Variants in MAD1L1 observed in about 807,000 individuals in gnomAD.
The protein encoded by MAD1L1 is mitotic arrest deficient 1 like 1, also known as mitotic spindle assembly checkpoint protein MAD1.
In MAD1L1, 95 loss-of-function variants were observed where a neutral mutation model predicts 96.9. That is an observed-to-expected ratio of 0.98 (90% confidence interval 0.83 to 1.16). The LOEUF is 1.16. Ranked by LOEUF, MAD1L1 falls within the 50% of genes most tolerant of loss-of-function variation. The pLI is 0.00. For synonymous variants in MAD1L1, 473 were observed against 396.6 expected (o/e 1.19, Z -2.29); for missense variants, 1,007 against 954.4 (o/e 1.06, Z -0.73).
intron 15 of MAD1L1, among the ~76,000 whole-genome samples, chr7:1,975,550 G>C (rs190799025): frequency 6.6e-6 from 1 of 152,212 alleles, no homozygotes; most frequent in African/African-American, 2.4e-5. Context: ...TGTCTTTCCA[G>C]TTACCTCTAT....
chr7:2,015,531 C>A (rs1782497557), intron 12 of MAD1L1, among the ~76,000 whole-genome samples: 1 of 152,234 alleles, frequency 6.6e-6, no homozygotes, highest in South Asian at 2.1e-4. Context: ...GCCAAGATGG[C>A]CCCCAAAAAG....
At chr7:2,165,075 A>AC (rs1344950749) in intron 10 of MAD1L1, among the ~76,000 whole-genome samples, 1 of 152,092 alleles carries the variant, frequency 6.6e-6, no homozygotes, top group Non-Finnish European at 1.5e-5. Context: ...GCAGTGGCTC[A>AC]CGCCTGTCAT....
rs369748983 is a variant in MAD1L1, at chr7:2,002,094, G to A, written c.1387C>T (p.Leu463=). The A allele has an allele frequency of 2.2e-4, 357 of 1,613,110 alleles. No homozygotes were observed. The highest frequency in any genetic ancestry group is 4.9e-4 in the Middle Eastern group (3 of 6,082). The part of the protein sequence containing the change: ...EAQLSQALEE[L]GGQKQRADML... ...TCTGCTCTTTGTTTCTGGCCTCCCAGCTCCTCCAGGGCCTGCGACAGCTGA... is the reference window on the plus strand; with the variant it reads ...TCTGCTCTTTGTTTCTGGCCTCCCAACTCCTCCAGGGCCTGCGACAGCTGA... Residue 463 remains leucine, a synonymous_variant, in exon 14 of 19, where the codon CTG becomes TTG. Transcript: ENST00000265854.
intron 18 of MAD1L1, among the ~76,000 whole-genome samples, chr7:1,834,533 G>A (rs558417230): frequency 5.3e-4 from 80 of 152,160 alleles, no homozygotes; most frequent in African/African-American, 1.8e-3. Flanking sequence ...CAGATAAAAT[G>A]GACAAACTTC....
chr7:1,895,637 C>T (rs11761818), intron 18 of MAD1L1, among the ~76,000 whole-genome samples: 45,432 of 152,270 alleles, frequency 0.3, 8,069 homozygotes, highest in East Asian at 0.45. Context: ...CCCCGGAACA[C>T]GGCCCAGAGC....
chr7:1,845,501 G>A (rs1412127374), intron 18 of MAD1L1: 2 of 70,224 alleles, frequency 2.8e-5, no homozygotes, highest in African/African-American at 5.3e-5. Flanking sequence ...GATTCATGGG[G>A]AAGAGCTCTG....
chr7:1,883,944 C>T (rs909051892), intron 18 of MAD1L1, among the ~76,000 whole-genome samples: 9 of 152,218 alleles, frequency 5.9e-5, no homozygotes, highest in South Asian at 2.1e-4. Context: ...CCAGGGGAAT[C>T]GCGTGCAGCT....
At position 2,121,309 on chromosome 7, in the gene MAD1L1, C is replaced by T. The variant is rs145046110; in HGVS notation, c.1073+27843G>A. On this transcript the variant is annotated intron_variant, in intron 11 of 18. Transcript: ENST00000265854. ...TCCCAACCTCTGTTCAGCGTCAGAG[C>T]GAGGCTCTGCACCAGGCCCCCAGCA... Among the ~76,000 whole-genome samples the T allele has an allele frequency of 6.8e-4, 103 of 152,330 alleles. 1 individual carries two copies. The highest frequency in any genetic ancestry group is 1.9e-3 in the Admixed American group (29 of 15,310).
chr7:2,115,660 C>T (rs778998800), intron 11 of MAD1L1, among the ~76,000 whole-genome samples: 2 of 152,246 alleles, frequency 1.3e-5, no homozygotes, highest in Non-Finnish European at 2.9e-5. Context: ...CGTGTCAATG[C>T]CGGGCCTGTG....
intron 10 of MAD1L1, among the ~76,000 whole-genome samples, chr7:2,166,735 C>G (rs1790447376): frequency 6.6e-6 from 1 of 152,198 alleles, no homozygotes; most frequent in Non-Finnish European, 1.5e-5. Flanking sequence ...CGTGTGTCCA[C>G]TGTCCACAGC....
chr7:1,855,475 G>A (rs1784202163), intron 18 of MAD1L1, among the ~76,000 whole-genome samples: 2 of 151,996 alleles, frequency 1.3e-5, no homozygotes, highest in African/African-American at 4.8e-5. Flanking sequence ...CGCCTGGCCT[G>A]GAAAGAGCTG....
intron 18 of MAD1L1, among the ~76,000 whole-genome samples, chr7:1,821,093 AGGG>A (rs757288347): frequency 1.1e-4 from 3 of 27,866 alleles, no homozygotes; most frequent in South Asian, 3.1e-3. Context: ...AAAAAAAAAA[AGGG>A]GGGGGGGAGA....
intron 13 of MAD1L1, among the ~76,000 whole-genome samples, chr7:2,004,138 G>A (rs1041343807): frequency 1.3e-5 from 2 of 152,098 alleles, no homozygotes; most frequent in African/African-American, 2.4e-5. Flanking sequence ...CCTACACCCC[G>A]CCCAGGTCTA....
chr7:2,232,152 C>T (rs1002228164), intron 1 of MAD1L1, among the ~76,000 whole-genome samples: 1 of 152,236 alleles, frequency 6.6e-6, no homozygotes, highest in African/African-American at 2.4e-5. Flanking sequence ...GCCGGCCCAC[C>T]AGCCACAACT....
intron 12 of MAD1L1, among the ~76,000 whole-genome samples, chr7:2,042,512 G>A (rs745436181): frequency 2.0e-5 from 3 of 152,314 alleles, no homozygotes; most frequent in Non-Finnish European, 2.9e-5. Context: ...AATACTTGGC[G>A]ATATGGTTTG....
At chr7:2,129,783 C>T (rs1233773236) in intron 11 of MAD1L1, among the ~76,000 whole-genome samples, 1 of 152,184 alleles carries the variant, frequency 6.6e-6, no homozygotes, top group Non-Finnish European at 1.5e-5. Context: ...ACCCCAGGCT[C>T]GAGCCAACGG....
intron 17 of MAD1L1, among the ~76,000 whole-genome samples, chr7:1,905,878 T>C (rs2045292849): frequency 6.6e-6 from 1 of 152,016 alleles, no homozygotes; most frequent in African/African-American, 2.4e-5. Flanking sequence ...GGTGAAACCC[T>C]GTCTCTACCA....
chr7:2,023,458 G>GCT (rs1782871039), intron 12 of MAD1L1, among the ~76,000 whole-genome samples: 2 of 152,274 alleles, frequency 1.3e-5, no homozygotes, highest in Admixed American at 1.3e-4. Context: ...AGTCTCAAGA[G>GCT]AAGTTTAAGA....
chr7:1,945,472 T>G (rs1198608781), intron 16 of MAD1L1, among the ~76,000 whole-genome samples: 1 of 152,210 alleles, frequency 6.6e-6, no homozygotes, highest in Non-Finnish European at 1.5e-5. Context: ...CGAAAGGGCT[T>G]GGAACCCTTC....
Sources: allele counts gnomAD v4.1 joint callset (sites outside exome capture counted in the v4.1 genomes callset), GRCh38; gene constraint gnomAD v4.1.1; transcripts MANE v1.5; gene names NCBI Gene and HGNC (gene_info 2026-07-23, HGNC 2026-07-21).